The following LARP1 variants were observed in gnomAD, a reference collection of about 807,000 sequenced individuals.
LARP1 encodes the protein La ribonucleoprotein 1, translational regulator.
LARP1 carries 36 observed loss-of-function variants against 122.7 expected under a neutral mutation model. The ratio of observed to expected loss-of-function variants is 0.29; its 90% CI spans 0.22 to 0.39. The LOEUF (loss-of-function observed/expected upper bound fraction) is 0.39, where lower values mean the gene tolerates loss of function less well. LARP1 is among the 10% of genes least tolerant of loss of function. The pLI, the probability that LARP1 is intolerant of heterozygous loss-of-function variation, is 1.00. For missense variants in LARP1, 1,040 were observed against 1,403.6 expected, an observed-to-expected ratio of 0.74 and a Z score of 4.14; for synonymous variants, 539 against 528.7, an observed-to-expected ratio of 1.02 and a Z score of -0.27.
chr5:154,742,617 C>G (rs899407017), intron 1 of LARP1, among the ~76,000 whole-genome samples: 11 of 150,860 alleles, frequency 7.3e-5, no homozygotes, highest in African/African-American at 2.7e-4. Context: ...GTAGTTCCAG[C>G]TATTCGGGAG....
rs182743983 is a variant in LARP1 at position 154,808,737 on chromosome 5, G to T, written c.2843+134G>T. 4.5e-6 allele frequency: 4 copies of T among 881,428 alleles called. No homozygotes were observed. In the Admixed American group the frequency reaches 9.7e-5, roughly 21 times the overall value. The allele number at this position is 881,428 out of a possible 1,614,324, so 54.6% of individuals were successfully genotyped here. A position where few individuals can be genotyped will look rare whatever the true frequency, so the allele number is the denominator to read the frequency against. ...CATTCATATACTTGATGAAAAATTT[G>T]TTTTTAAATGAGCAGTATATTCACA... On this transcript the variant is annotated intron_variant, in intron 16 of 18. Transcript: ENST00000518297.
intron 1 of LARP1, among the ~76,000 whole-genome samples, chr5:154,778,381 G>C (rs186067637): frequency 6.5e-4 from 99 of 152,032 alleles, no homozygotes; most frequent in African/African-American, 2.0e-3. Flanking sequence ...TAACTGTTAA[G>C]TATGTACAGA....
intron 1 of LARP1, among the ~76,000 whole-genome samples, chr5:154,742,963 G>T (rs1188164499): frequency 1.3e-5 from 2 of 152,170 alleles, no homozygotes; most frequent in African/African-American, 4.8e-5. Context: ...TGACAAACCT[G>T]AGCCAATGTT....
intron 8 of LARP1, among the ~76,000 whole-genome samples, chr5:154,797,294 C>T (rs1255912592): frequency 8.3e-6 from 1 of 121,120 alleles, no homozygotes; most frequent in Non-Finnish European, 1.6e-5. Context: ...AGTGCAGTGG[C>T]ATGGTCTCAG....
chr5:154,808,342 T>A, intron 15 of LARP1, 117 bp from the exon 16 acceptor site: 1 of 1,224,768 alleles, frequency 8.2e-7, no homozygotes, highest in South Asian at 1.5e-5. Context: ...AGATGATGAG[T>A]GAGGGGATTT....
intron 1 of LARP1, chr5:154,729,746 G>C: frequency 4.6e-6 from 1 of 217,458 alleles, no homozygotes; most frequent in Non-Finnish European, 9.0e-6. Context: ...GACAAACAAA[G>C]AAAAAACTTC....
At chr5:154,764,595 C>CAAAAAAA (rs1158921641) in intron 1 of LARP1, among the ~76,000 whole-genome samples, 1 of 44,888 alleles carries the variant, frequency 2.2e-5, no homozygotes, top group African/African-American at 1.0e-4. Flanking sequence ...GACCATGTCT[C>CAAAAAAA]AAAAAAAAAA....
chr5:154,789,617 G>T (rs1757184792), intron 1 of LARP1, among the ~76,000 whole-genome samples: 1 of 152,180 alleles, frequency 6.6e-6, no homozygotes, highest in South Asian at 2.1e-4. Context: ...ACTTTAGTCA[G>T]TCCCCTATTT....
Position 154,793,504 on chromosome 5 carries a change from A to G in LARP1, c.740-91A>G, listed in dbSNP as rs966587275. On this transcript the variant is annotated intron_variant, in intron 4 of 18. Transcript: ENST00000518297. The stretch of plus-strand genomic sequence containing the variant: ...GGTAACCAGATTGTGATTTGGGCCC[A>G]AGTCCAGGGCAGAAGAAGAGGAGTT... 7 of 1,529,750 alleles carry G rather than the reference A, an allele frequency of 4.6e-6. No individual in the cohort carries two copies. In the Admixed American group the frequency reaches 1.0e-4, roughly 23 times the overall value. The allele number at this position is 1,529,750 out of a possible 1,614,324, so 94.8% of individuals were successfully genotyped here. A position where few individuals can be genotyped will look rare whatever the true frequency, so the allele number is the denominator to read the frequency against.
In LARP1 at chr5:154,719,862, A is replaced by C. The variant is rs1441039193; in HGVS notation, c.205+6732A>C. Among the ~76,000 whole-genome samples, 97 of 18,534 alleles carry C rather than the reference A, an allele frequency of 5.2e-3. No individual in the cohort carries two copies. In the African/African-American group the frequency reaches 0.062, roughly 12 times the overall value. 12.2% of individuals were successfully genotyped at this position (18,534 alleles called of 152,430 possible). ...GGGTGACAAAGTGAGACTCTGTCTC[A>C]AAAAAAAAAAAAAAAAGATATAACT... On this transcript the variant is annotated intron_variant, in intron 1 of 18. Coordinates refer to the LARP1 transcript ENST00000336314.
At chr5:154,779,505 C>G (rs914782805) in intron 1 of LARP1, among the ~76,000 whole-genome samples, 4 of 123,204 alleles carry the variant, frequency 3.2e-5, no homozygotes, top group African/African-American at 1.2e-4. Flanking sequence ...TACATTCTCT[C>G]TTTTTTTTTT....
At chr5:154,751,189 C>T (rs1753468962), upstream of LARP1, among the ~76,000 whole-genome samples, 3 of 152,128 alleles carry the variant, frequency 2.0e-5, no homozygotes, top group Non-Finnish European at 4.4e-5. Flanking sequence ...GTAGGCTGTA[C>T]AGAGTGGTGC....
intron 1 of LARP1, among the ~76,000 whole-genome samples, chr5:154,742,343 C>T (rs1752932343): frequency 6.6e-6 from 1 of 152,192 alleles, no homozygotes; most frequent in Non-Finnish European, 1.5e-5. Flanking sequence ...AGGTGGATCA[C>T]TTGAGGCCAG....
At chr5:154,711,426 C>T (rs1755217841), upstream of LARP1, among the ~76,000 whole-genome samples, 1 of 152,182 alleles carries the variant, frequency 6.6e-6, no homozygotes, top group Non-Finnish European at 1.5e-5. Context: ...AGGCGTGAGC[C>T]ACCGCACCCG....
In LARP1 at chr5:154,762,625, C is replaced by T. The variant is rs1561576667; in HGVS notation, c.436+6432C>T. Among the ~76,000 whole-genome samples, 3 of 152,142 alleles carry T rather than the reference C, an allele frequency of 2.0e-5. No individual in the cohort carries two copies. In the South Asian group the frequency reaches 6.2e-4, roughly 31 times the overall value. On this transcript the variant is annotated intron_variant, in intron 1 of 18. Transcript: ENST00000518297. ...TCATAGATGAATTTTGTAAAGCCAG[C>T]TTGGTAGATCTGTCATATATGGCAT... is the stretch of plus-strand genomic sequence containing the variant.
intron 1 of LARP1, among the ~76,000 whole-genome samples, chr5:154,692,248 T>C (rs553743103): frequency 6.6e-6 from 1 of 152,338 alleles, no homozygotes; most frequent in Non-Finnish European, 1.5e-5. Flanking sequence ...TGCTTAGAGA[T>C]GTTTAAAGCA....
chr5:154,732,449 G>C (rs1000669595), intron 1 of LARP1, among the ~76,000 whole-genome samples: 42 of 152,286 alleles, frequency 2.8e-4, no homozygotes, highest in African/African-American at 9.9e-4. Context: ...ATGAACTAAT[G>C]GTGGCTACCT....
upstream of LARP1, among the ~76,000 whole-genome samples, chr5:154,755,082 C>T (rs899619230): frequency 6.6e-6 from 1 of 152,018 alleles, no homozygotes; most frequent in African/African-American, 2.4e-5. Flanking sequence ...CCACCGACAA[C>T]TCCCGAATTG....
At chr5:154,812,750 C>T (rs961801033) in intron 18 of LARP1, among the ~76,000 whole-genome samples, 2 of 152,060 alleles carry the variant, frequency 1.3e-5, no homozygotes, top group African/African-American at 4.8e-5. Context: ...AAACTCCTGA[C>T]CTTGTGATCC....
Sources: gnomAD v4.1 joint callset for allele counts (sites outside exome capture counted in the v4.1 genomes callset) on GRCh38, gnomAD v4.1.1 for gene constraint, MANE v1.5 for transcripts, NCBI Gene and HGNC (gene_info 2026-07-23, HGNC 2026-07-21) for gene names.